AOPEP: variants seen among roughly 807,000 people sequenced by gnomAD.
The protein encoded by AOPEP is aminopeptidase O.
Under a neutral mutation model 98.1 loss-of-function variants are expected in AOPEP, and 77 were observed. That is an observed-to-expected ratio of 0.78 (90% CI 0.65 to 0.95). The LOEUF (loss-of-function observed/expected upper bound fraction) is 0.95, where lower values mean the gene tolerates loss of function less well. AOPEP is among the 40% of genes least tolerant of loss of function. The probability of loss-of-function intolerance (pLI) is 0.00; values close to 1 mark genes in which losing one functional copy is unlikely to be tolerated. For synonymous variants in AOPEP, 346 were observed against 365.3 expected (o/e 0.95, Z 0.60); for missense variants, 1,024 against 1,024.7 (o/e 1.00, Z 0.01).
downstream of AOPEP, among the ~76,000 whole-genome samples, chr9:95,087,909 C>T (rs1377310931): frequency 1.3e-5 from 2 of 152,188 alleles, no homozygotes; most frequent in African/African-American, 4.8e-5. Context: ...CAGGGGGCAG[C>T]ACAAATTCTG....
intron 11 of AOPEP, among the ~76,000 whole-genome samples, chr9:94,997,106 C>G (rs7867908): frequency 0.067 from 10,149 of 152,184 alleles, 828 homozygotes; most frequent in African/African-American, 0.19. Flanking sequence ...GATGTATGCA[C>G]TTTTCGCTAA....
the AOPEP span, among the ~76,000 whole-genome samples, chr9:95,131,254 C>A: frequency 3.9e-5 from 6 of 152,310 alleles, no homozygotes; most frequent in East Asian, 1.2e-3. Context: ...CCCAGCACCC[C>A]CTCCCCTGCC....
In AOPEP at chr9:94,836,330, T is replaced by C. The variant is rs73654297; in HGVS notation, c.1364+35328T>C. Among the ~76,000 whole-genome samples, 1,011 of 152,342 alleles carry C rather than the reference T, an allele frequency of 6.6e-3. 8 individuals are homozygous for C. The highest frequency in any genetic ancestry group is 0.023 in the African/African-American group (973 of 41,574). ...TTGGCTTTATAATACTGCATTCCTA[T>C]CAGCAGTGAGCAAGAGTTTTCCTTG... is the stretch of plus-strand genomic sequence containing the variant. On this transcript the variant is annotated intron_variant, in intron 5 of 16. Coordinates refer to ENST00000375315, the MANE Select transcript of AOPEP (RefSeq NM_001193329.3).
At chr9:94,955,313 G>A (rs772583221) in intron 8 of AOPEP, 34 bp downstream of exon 8, 4 of 1,384,074 alleles carry the variant, frequency 2.9e-6, no homozygotes, top group Non-Finnish European at 4.1e-6. Flanking sequence ...GCCAGTGATT[G>A]TGGTGCAGCA....
At chr9:94,986,164 C>T (rs1474779439) in intron 11 of AOPEP, among the ~76,000 whole-genome samples, 1 of 152,126 alleles carries the variant, frequency 6.6e-6, no homozygotes, top group Non-Finnish European at 1.5e-5. Context: ...TGAGGCCTCT[C>T]TCCTCGGCTT....
intron 5 of AOPEP, among the ~76,000 whole-genome samples, chr9:94,802,181 C>T (rs940096839): frequency 3.9e-5 from 6 of 151,906 alleles, no homozygotes; most frequent in African/African-American, 1.5e-4. Context: ...GAGGGGGGGG[C>T]TTCTTTTGTC....
intron 5 of AOPEP, among the ~76,000 whole-genome samples, chr9:94,915,605 A>C (rs983518431): frequency 3.9e-5 from 6 of 151,952 alleles, no homozygotes; most frequent in Non-Finnish European, 5.9e-5. Flanking sequence ...CAGGGAACCC[A>C]CACTTGCCTC....
intron 5 of AOPEP, among the ~76,000 whole-genome samples, chr9:94,806,741 A>G (rs1233659260): frequency 6.6e-6 from 1 of 152,168 alleles, no homozygotes. Flanking sequence ...TCATAAAGTG[A>G]TGTTCTTCTG....
intron 13 of AOPEP, among the ~76,000 whole-genome samples, chr9:95,030,046 C>T (rs1279955283): frequency 6.6e-6 from 1 of 152,182 alleles, no homozygotes; most frequent in East Asian, 1.9e-4. Context: ...ATTTTTATTA[C>T]AGTTCAGCAT....
chr9:94,926,960 A>T (rs1053635851), intron 6 of AOPEP, among the ~76,000 whole-genome samples: 3 of 152,194 alleles, frequency 2.0e-5, no homozygotes, highest in Non-Finnish European at 4.4e-5. Context: ...CTTCACAGAC[A>T]TATTAGTCTG....
rs372769450 is a variant in AOPEP, at chr9:95,080,677, C to T, written c.2233-17C>T. ...CTGCCTGCTTGTCGCTCACTGGGCT[C>T]TCTCTTGTTCCTCCAGGTTCGCCAT... On this transcript the variant is annotated splice_polypyrimidine_tract_variant and intron_variant, in intron 14 of 16. Coordinates refer to ENST00000375315, the MANE Select transcript of AOPEP (RefSeq NM_001193329.3). 1.1e-4 allele frequency: 184 copies of T among 1,607,442 alleles called. 1 individual carries two copies. The East Asian group carries it at 1.7e-3, about 15-fold the overall frequency.
rs145858666 is a variant in AOPEP at position 94,879,603 on chromosome 9, C to A, written c.1365-44383C>A. 5.9e-5 allele frequency among the ~76,000 whole-genome samples: 9 copies of A among 152,334 alleles called. No individual in the cohort carries two copies. In the East Asian group the frequency reaches 1.7e-3, roughly 29 times the overall value. On this transcript the variant is annotated intron_variant, in intron 5 of 16. Transcript: ENST00000375315. ...TCTAATAATTTCTTAGCTGCTGGCA[C>A]AGCACCAGCTTTTCTACAAAGAAAG...
chr9:95,034,158 G>T (rs955040621), intron 13 of AOPEP, among the ~76,000 whole-genome samples: 1 of 152,276 alleles, frequency 6.6e-6, no homozygotes, highest in Non-Finnish European at 1.5e-5. Context: ...GAAAACAAGG[G>T]AGTTTTCAGT....
At chr9:94,733,854 A>C (rs1349318470) in intron 1 of AOPEP, among the ~76,000 whole-genome samples, 1 of 152,202 alleles carries the variant, frequency 6.6e-6, no homozygotes, top group Non-Finnish European at 1.5e-5. Context: ...AACTGAATAC[A>C]TGTTCAGTTT....
At chr9:94,873,978 A>C (rs925731896) in intron 5 of AOPEP, among the ~76,000 whole-genome samples, 1 of 152,140 alleles carries the variant, frequency 6.6e-6, no homozygotes, top group Non-Finnish European at 1.5e-5. Context: ...TTTTGTGTAT[A>C]CCTGGGATGT....
chr9:94,920,105 A>G (rs1198911423), intron 5 of AOPEP: 1 of 152,182 alleles, frequency 6.6e-6, no homozygotes, highest in Non-Finnish European at 1.5e-5. Flanking sequence ...CGGGCGGATC[A>G]CCTGAGGCTG....
At position 94,952,492 on chromosome 9, in the gene AOPEP, C is replaced by T. The variant is rs150563824; in HGVS notation, c.1662-2685C>T. Among the ~76,000 whole-genome samples, 1,280 of 152,272 alleles carry T rather than the reference C, an allele frequency of 8.4e-3. 8 individuals carry two copies. Among genetic ancestry groups the T allele is most frequent in the Middle Eastern group, 0.024 (7 of 294 alleles). On this transcript the variant is annotated intron_variant, in intron 7 of 16. Coordinates refer to ENST00000375315, the MANE Select transcript of AOPEP (RefSeq NM_001193329.3). Reference sequence around the variant, plus strand: ...TCCCCATAGGTCAGTTTTGCCTGTTCTTGGATTTCATTGACATGGACTTGT... The same window carrying T: ...TCCCCATAGGTCAGTTTTGCCTGTTTTTGGATTTCATTGACATGGACTTGT...
chr9:95,060,674 C>T lies in AOPEP; in HGVS notation c.2116-20C>T. On this transcript the variant is annotated intron_variant, in intron 13 of 16. Coordinates refer to ENST00000375315, the MANE Select transcript of AOPEP (RefSeq NM_001193329.3). ...ATCAACTGAATGGCATTTTCATAGG[C>T]TGTTTGGTTTTGTCTTTAGCTTCTT... 1 of 1,490,588 alleles carries T rather than the reference C, an allele frequency of 6.7e-7. No homozygotes were observed. Among genetic ancestry groups the T allele is most frequent in the Non-Finnish European group, 9.4e-7 (1 of 1,067,188 alleles). The allele number at this position is 1,490,588 out of a possible 1,614,324, so 92.3% of individuals were successfully genotyped here. A position where few individuals can be genotyped will look rare whatever the true frequency, so the allele number is the denominator to read the frequency against.
intron 10 of AOPEP, among the ~76,000 whole-genome samples, chr9:94,975,335 T>A (rs1162766069): frequency 6.6e-6 from 1 of 152,184 alleles, no homozygotes; most frequent in Non-Finnish European, 1.5e-5. Context: ...TGGCACACAG[T>A]AGGTGTTCAA....
Sources: allele counts gnomAD v4.1 joint callset (sites outside exome capture counted in the v4.1 genomes callset), GRCh38; gene constraint gnomAD v4.1.1; transcripts MANE v1.5; gene names NCBI Gene and HGNC (gene_info 2026-07-23, HGNC 2026-07-21).